CACNA2D3: variants seen among roughly 807,000 people sequenced by gnomAD.
CACNA2D3 encodes the protein voltage-dependent calcium channel subunit alpha-2/delta-3.
CACNA2D3 carries 60 observed loss-of-function variants against 160.6 expected under a neutral mutation model. That is an observed-to-expected ratio of 0.37 (90% CI 0.30 to 0.46). CACNA2D3 has a LOEUF of 0.46. Ranked by LOEUF, CACNA2D3 falls within the 20% of genes least tolerant of loss-of-function variation. The pLI, the probability that CACNA2D3 is intolerant of heterozygous loss-of-function variation, is 1.00. For synonymous variants in CACNA2D3, 558 were observed against 492.9 expected (o/e 1.13, Z -1.75); for missense variants, 1,205 against 1,365.0 (o/e 0.88, Z 1.85).
intron 11 of CACNA2D3, among the ~76,000 whole-genome samples, chr3:54,648,791 A>C (rs1699701735): frequency 6.6e-6 from 1 of 152,188 alleles, no homozygotes; most frequent in Non-Finnish European, 1.5e-5. Context: ...AAGGTGAAGG[A>C]GGAGCAGGTA....
At chr3:54,224,133 G>A (rs888610334) in intron 2 of CACNA2D3, among the ~76,000 whole-genome samples, 1 of 152,026 alleles carries the variant, frequency 6.6e-6, no homozygotes, top group African/African-American at 2.4e-5. Context: ...AGGATCATCA[G>A]GATCACTGTC....
At chr3:54,541,103 C>T (rs1049135393) in intron 5 of CACNA2D3, among the ~76,000 whole-genome samples, 1 of 151,572 alleles carries the variant, frequency 6.6e-6, no homozygotes, top group Non-Finnish European at 1.5e-5. Flanking sequence ...TGGTGAAACC[C>T]CATCTCTACT....
chr3:54,534,806 A>C (rs1377394524), intron 5 of CACNA2D3, among the ~76,000 whole-genome samples: 1 of 151,722 alleles, frequency 6.6e-6, no homozygotes, highest in East Asian at 1.9e-4. Flanking sequence ...ACATGCCTGT[A>C]GTCCCATCTA....
intron 11 of CACNA2D3, among the ~76,000 whole-genome samples, chr3:54,719,145 C>G (rs1171215553): frequency 6.8e-6 from 1 of 148,050 alleles, no homozygotes. Flanking sequence ...CTTTTTCTTA[C>G]CAAGTTGCAC....
chr3:54,778,760 G>C (rs537056468), intron 13 of CACNA2D3, among the ~76,000 whole-genome samples: 2 of 152,270 alleles, frequency 1.3e-5, no homozygotes, highest in Non-Finnish European at 2.9e-5. Context: ...AGGTTGGAGG[G>C]CATGTGAAAA....
intron 11 of CACNA2D3, among the ~76,000 whole-genome samples, chr3:54,721,310 G>A (rs1472665166): frequency 6.6e-6 from 1 of 152,076 alleles, no homozygotes; most frequent in Non-Finnish European, 1.5e-5. Context: ...CCCATTTTCT[G>A]TGTTATTAAT....
At chr3:54,193,539 G>A (rs538523037) in intron 2 of CACNA2D3, among the ~76,000 whole-genome samples, 28 of 152,234 alleles carry the variant, frequency 1.8e-4, no homozygotes, top group African/African-American at 6.7e-4. Flanking sequence ...CTTCATAACT[G>A]CCCCATTAAG....
At chr3:54,597,535 T>C (rs949320137) in intron 9 of CACNA2D3, among the ~76,000 whole-genome samples, 2 of 152,110 alleles carry the variant, frequency 1.3e-5, no homozygotes, top group Admixed American at 1.3e-4. Flanking sequence ...ACTGACCACA[T>C]AGGTAAGTGA....
chr3:55,070,418 G>A (rs1704776502), intron 35 of CACNA2D3, among the ~76,000 whole-genome samples: 1 of 152,088 alleles, frequency 6.6e-6, no homozygotes, highest in Non-Finnish European at 1.5e-5. Context: ...AGGAGGGAGG[G>A]TTAAGAGACA....
At chr3:55,033,582 GTGTATATA>G (rs1460784101) in intron 35 of CACNA2D3, among the ~76,000 whole-genome samples, 122 of 119,586 alleles carry the variant, frequency 1.0e-3, no homozygotes, top group Middle Eastern at 4.4e-3. Context: ...TTATGTGTGT[GTGTATATA>G]TATATATATA....
At chr3:54,416,552 TC>T (rs1353249851) in intron 4 of CACNA2D3, among the ~76,000 whole-genome samples, 3 of 152,190 alleles carry the variant, frequency 2.0e-5, no homozygotes, top group African/African-American at 7.2e-5. Context: ...GAAGTTGTCA[TC>T]TGTTTATTTC....
At chr3:54,183,900 A>G (rs1278939288) in intron 2 of CACNA2D3, among the ~76,000 whole-genome samples, 2 of 147,318 alleles carry the variant, frequency 1.4e-5, no homozygotes, top group Admixed American at 6.6e-5. Context: ...AAGAAAAAAA[A>G]AAAAAAAAAA....
intron 11 of CACNA2D3, among the ~76,000 whole-genome samples, chr3:54,672,664 A>C (rs1700180752): frequency 6.6e-6 from 1 of 152,250 alleles, no homozygotes; most frequent in African/African-American, 2.4e-5. Context: ...TCCTGGGAGC[A>C]ACTTGTTTGG....
At chr3:54,156,043 C>A (rs1211912851) in intron 2 of CACNA2D3, among the ~76,000 whole-genome samples, 1 of 152,154 alleles carries the variant, frequency 6.6e-6, no homozygotes. Flanking sequence ...GGTTTATGTG[C>A]AAATGTTAGA....
chr3:54,325,989 T>A (rs1281115486), intron 3 of CACNA2D3, among the ~76,000 whole-genome samples: 1 of 152,186 alleles, frequency 6.6e-6, no homozygotes, highest in Non-Finnish European at 1.5e-5. Flanking sequence ...AGATTTTATA[T>A]TAAGTTTTCC....
intron 27 of CACNA2D3, among the ~76,000 whole-genome samples, chr3:54,902,145 T>C (rs1346615012): frequency 1.3e-5 from 2 of 152,130 alleles, no homozygotes; most frequent in African/African-American, 2.4e-5. Flanking sequence ...AATCCTTGTG[T>C]TAAAGTGGAA....
At chr3:54,452,278 T>G (rs1390984724) in intron 4 of CACNA2D3, among the ~76,000 whole-genome samples, 1 of 152,070 alleles carries the variant, frequency 6.6e-6, no homozygotes, top group Non-Finnish European at 1.5e-5. Flanking sequence ...GAACTCCCAT[T>G]TATAAAACCA....
intron 2 of CACNA2D3, among the ~76,000 whole-genome samples, chr3:54,133,504 G>C (rs1296999785): frequency 6.6e-6 from 1 of 152,200 alleles, no homozygotes; most frequent in Non-Finnish European, 1.5e-5. Flanking sequence ...GCTCATCAGA[G>C]CGTTTGGTGG....
chr3:54,204,350 G>A (rs900003692), intron 2 of CACNA2D3, among the ~76,000 whole-genome samples: 2 of 146,252 alleles, frequency 1.4e-5, no homozygotes, highest in Non-Finnish European at 3.0e-5. Context: ...ATAACCATAT[G>A]TATATGGCTC....
Sources: gnomAD v4.1 joint callset for allele counts (sites outside exome capture counted in the v4.1 genomes callset) on GRCh38, gnomAD v4.1.1 for gene constraint, MANE v1.5 for transcripts, NCBI Gene and HGNC (gene_info 2026-07-23, HGNC 2026-07-21) for gene names.